The following UGT2B7 variants were observed in gnomAD, a reference collection of about 807,000 sequenced individuals.
UGT2B7 encodes the protein UDP glucuronosyltransferase family 2 member B7.
UGT2B7 carries 51 observed loss-of-function variants against 51.9 expected under a neutral mutation model. The ratio of observed to expected loss-of-function variants is 0.98; its 90% CI spans 0.78 to 1.24. The LOEUF is 1.24. Ranked by LOEUF, UGT2B7 falls within the 50% of genes most tolerant of loss-of-function variation. The probability of loss-of-function intolerance (pLI) is 0.00; values close to 1 mark genes in which losing one functional copy is unlikely to be tolerated. For missense variants in UGT2B7, 727 were observed against 628.4 expected, an observed-to-expected ratio of 1.16 and a Z score of -1.68; for synonymous variants, 225 against 211.6, an observed-to-expected ratio of 1.06 and a Z score of -0.55.
At chr4:69,080,008 CA>C (rs1718800752) in intron 1 of UGT2B7, among the ~76,000 whole-genome samples, 1 of 151,264 alleles carries the variant, frequency 6.6e-6, no homozygotes, top group Admixed American at 6.6e-5. Flanking sequence ...TCTTTTTTTG[CA>C]TTTTTTCCCT....
chr4:69,094,996 T>G (rs549099894), upstream of UGT2B7, among the ~76,000 whole-genome samples: 1 of 152,354 alleles, frequency 6.6e-6, no homozygotes, highest in South Asian at 2.1e-4. Context: ...TATCATGAGA[T>G]TTCATCAATT....
At chr4:69,085,708 A>G (rs980093188) in intron 1 of UGT2B7, among the ~76,000 whole-genome samples, 1 of 151,572 alleles carries the variant, frequency 6.6e-6, no homozygotes, top group Non-Finnish European at 1.5e-5. Context: ...CAGTCTTGTT[A>G]CTCATTATTT....
At chr4:69,109,581 A>G (rs745695486) in intron 5 of UGT2B7, among the ~76,000 whole-genome samples, 12 of 152,030 alleles carry the variant, frequency 7.9e-5, no homozygotes, top group Non-Finnish European at 1.5e-4. Context: ...AAACTTTGCT[A>G]TTTGTCTTAT....
At chr4:69,083,397 T>C (rs1006628045) in intron 1 of UGT2B7, among the ~76,000 whole-genome samples, 1 of 152,056 alleles carries the variant, frequency 6.6e-6, no homozygotes, top group African/African-American at 2.4e-5. Flanking sequence ...CTGTAAGTAA[T>C]TTAGTGTATT....
chr4:69,054,417 A>G (rs1029010349), intron 1 of UGT2B7, among the ~76,000 whole-genome samples: 3 of 152,184 alleles, frequency 2.0e-5, no homozygotes, highest in African/African-American at 7.2e-5. Context: ...AAGTCTCCCC[A>G]TGCTGTGGTG....
chr4:69,105,983 A>G (rs1285359358), intron 3 of UGT2B7, among the ~76,000 whole-genome samples: 1 of 152,136 alleles, frequency 6.6e-6, no homozygotes, highest in Non-Finnish European at 1.5e-5. Flanking sequence ...ATAAAACAAA[A>G]TAAGCACGCA....
chr4:69,084,978 G>C (rs750735177), intron 1 of UGT2B7, among the ~76,000 whole-genome samples: 30 of 152,178 alleles, frequency 2.0e-4, no homozygotes, highest in Non-Finnish European at 3.2e-4. Flanking sequence ...CCTTTGGGTA[G>C]ATGCCCAGTA....
chr4:69,097,046 C>G lies in UGT2B7; in HGVS notation c.526C>G (p.Pro176Ala). 2 of 1,613,856 alleles carry G rather than the reference C, an allele frequency of 1.2e-6. No homozygotes were observed. Among genetic ancestry groups the G allele is most frequent in the Non-Finnish European group, 1.7e-6 (2 of 1,179,798 alleles). The change falls in exon 1 of 6, where the codon CCT becomes GCT. Residue 176 changes from proline (P) to alanine (A), a missense_variant. By Grantham distance (27) the Pro-to-Ala change is conservative. Coordinates refer to ENST00000305231, the MANE Select transcript of UGT2B7 (RefSeq NM_001074.4). ...IPFVYSLSFS[P>A]GYTFEKHSGG... ...CTTTGTGTACAGTCTCAGCTTCTCT[C>G]CTGGCTACACTTTTGAAAAGCATAG... is the stretch of plus-strand genomic sequence containing the variant.
intron 1 of UGT2B7, 34 bp downstream of exon 1, chr4:69,097,275 C>G (rs1560508796): frequency 3.8e-6 from 6 of 1,586,820 alleles, no homozygotes; most frequent in Non-Finnish European, 4.3e-6. Context: ...ACATGAAGCT[C>G]TAACTTATTT....
upstream of UGT2B7, among the ~76,000 whole-genome samples, chr4:69,095,085 A>G (rs1719185414): frequency 6.6e-6 from 1 of 152,162 alleles, no homozygotes; most frequent in African/African-American, 2.4e-5. Context: ...TATTCCATTA[A>G]AGTTTTGTTA....
intron 2 of UGT2B7, among the ~76,000 whole-genome samples, chr4:69,090,261 C>T (rs1719056455): frequency 6.6e-6 from 1 of 152,040 alleles, no homozygotes; most frequent in South Asian, 2.1e-4. Flanking sequence ...AATTAAAGTT[C>T]ATAAAACTCA....
At chr4:69,053,053 G>GT (rs1021632200) in intron 1 of UGT2B7, among the ~76,000 whole-genome samples, 2 of 151,796 alleles carry the variant, frequency 1.3e-5, no homozygotes, top group African/African-American at 2.4e-5. Context: ...AATGCAACAG[G>GT]TTTTTTTTCT....
intron 2 of UGT2B7, 131 bp from the exon 3 acceptor site, chr4:69,102,675 TA>T (rs1315936567): frequency 4.2e-5 from 59 of 1,400,818 alleles, no homozygotes; most frequent in Non-Finnish European, 5.2e-5. Context: ...TTGGGTCAGT[TA>T]AAAAATATTA....
intron 3 of UGT2B7, among the ~76,000 whole-genome samples, chr4:69,105,426 A>T (rs530945569): frequency 1.3e-5 from 2 of 152,232 alleles, no homozygotes; most frequent in Admixed American, 1.3e-4. Context: ...TAAAAGTTAA[A>T]CACTGTAAAT....
intron 3 of UGT2B7, among the ~76,000 whole-genome samples, chr4:69,104,584 C>G (rs1719536783): frequency 6.6e-6 from 1 of 151,960 alleles, no homozygotes; most frequent in Non-Finnish European, 1.5e-5. Flanking sequence ...TAAAATAATA[C>G]AGAGGGTGTT....
rs765643535 is a variant in UGT2B7, at chr4:69,097,217, G to C, written c.697G>C (p.Asp233His). 6.2e-7 allele frequency: 1 copy of C among 1,612,020 alleles called. No homozygotes were observed. Among genetic ancestry groups the C allele is most frequent in the Non-Finnish European group, 8.5e-7 (1 of 1,179,116 alleles). Residue 233 changes from aspartate to histidine, a missense_variant, in exon 1 of 6, where the codon GAT (aspartate) becomes CAT (histidine). By Grantham distance (81) the Asp-to-His change is moderately conservative. Transcript: ENST00000305231. Reference protein sequence around the residue: ...WFEIFDMKKWDQFYSEVLGRP... With the variant: ...WFEIFDMKKWHQFYSEVLGRP... ...CGAAATATTTGACATGAAGAAGTGGGATCAGTTTTATAGTGAAGTTCTAGG... is the reference window on the plus strand; with the variant it reads ...CGAAATATTTGACATGAAGAAGTGGCATCAGTTTTATAGTGAAGTTCTAGG...
intron 2 of UGT2B7, among the ~76,000 whole-genome samples, chr4:69,091,163 G>GT (rs146710019): frequency 0.014 from 2,056 of 152,238 alleles, 46 homozygotes; most frequent in African/African-American, 0.047. Context: ...AAGTACTTGT[G>GT]TTTTTTCTCT....
At chr4:69,089,703 C>G (rs191699363) in intron 2 of UGT2B7, 2 of 152,292 alleles carry the variant, frequency 1.3e-5, no homozygotes, top group East Asian at 3.9e-4. Flanking sequence ...TTTGCATTAA[C>G]AGGCACTACT....
At chr4:69,109,129 A>G (rs1390672244) in intron 5 of UGT2B7, among the ~76,000 whole-genome samples, 1 of 152,030 alleles carries the variant, frequency 6.6e-6, no homozygotes, top group African/African-American at 2.4e-5. Context: ...TTTTTAGTAA[A>G]GATATGTCAT....
Sources: gnomAD v4.1 joint callset for allele counts (sites outside exome capture counted in the v4.1 genomes callset) on GRCh38, gnomAD v4.1.1 for gene constraint, MANE v1.5 for transcripts, NCBI Gene and HGNC (gene_info 2026-07-23, HGNC 2026-07-21) for gene names.